The following DLG2 variants were observed in gnomAD, a reference collection of about 807,000 sequenced individuals.
DLG2 encodes the protein disks large homolog 2.
DLG2 carries 45 observed loss-of-function variants against 132.5 expected under a neutral mutation model. That is an observed-to-expected ratio of 0.34 (90% CI 0.27 to 0.44). The LOEUF is 0.44. Ranked by LOEUF, DLG2 falls within the 20% of genes least tolerant of loss-of-function variation. The pLI is 1.00. For missense variants in DLG2, 1,045 were observed against 1,196.9 expected, an observed-to-expected ratio of 0.87 and a Z score of 1.87; for synonymous variants, 424 against 419.6, an observed-to-expected ratio of 1.01 and a Z score of -0.13.
intron 11 of DLG2, among the ~76,000 whole-genome samples, chr11:84,028,116 C>T (rs890700912): frequency 5.3e-5 from 8 of 151,384 alleles, no homozygotes; most frequent in African/African-American, 1.7e-4. Context: ...AATAGAAGAC[C>T]TCATTGTAAA....
chr11:83,557,281 C>A (rs2142475320), intron 19 of DLG2, among the ~76,000 whole-genome samples: 1 of 152,306 alleles, frequency 6.6e-6, no homozygotes, highest in Non-Finnish European at 1.5e-5. Context: ...CATGTACAAT[C>A]TGTAGAGAAA....
intron 6 of DLG2, among the ~76,000 whole-genome samples, chr11:84,578,010 C>T (rs2099506760): frequency 6.6e-6 from 1 of 152,180 alleles, no homozygotes; most frequent in Admixed American, 6.5e-5. Context: ...CAGGCTGTGG[C>T]TTCAGAGGGT....
At chr11:83,461,143 G>C (rs1240983672) in intron 27 of DLG2, among the ~76,000 whole-genome samples, 1 of 151,618 alleles carries the variant, frequency 6.6e-6, no homozygotes. Flanking sequence ...CTAGTAGCTG[G>C]GATTACAGGT....
chr11:83,988,693 A>T (rs948657575), intron 11 of DLG2, among the ~76,000 whole-genome samples: 16 of 152,048 alleles, frequency 1.1e-4, no homozygotes, highest in African/African-American at 3.9e-4. Flanking sequence ...TAGACTGTCA[A>T]TTTAGGGTCT....
At chr11:83,815,709 G>T (rs1231556070) in intron 17 of DLG2, among the ~76,000 whole-genome samples, 2 of 152,160 alleles carry the variant, frequency 1.3e-5, no homozygotes, top group South Asian at 4.1e-4. Context: ...AATGTTCAGT[G>T]CCTTTCACTT....
intron 6 of DLG2, among the ~76,000 whole-genome samples, chr11:84,751,219 T>C (rs1240759485): frequency 2.6e-5 from 4 of 152,222 alleles, no homozygotes; most frequent in East Asian, 1.9e-4. Flanking sequence ...ATGGGAGAGA[T>C]AGTACTAACA....
Position 84,145,917 on chromosome 11 carries a change from G to C in DLG2, c.624+17544C>G, listed in dbSNP as rs1447999939. ...CTTTGATGCTTACATCTAAAGAAAA[G>C]TTAGATTAATGCCCCTCCGAATGTC... On this transcript the variant is annotated intron_variant, in intron 9 of 27. Transcript: ENST00000376104. 3.3e-5 allele frequency among the ~76,000 whole-genome samples: 5 copies of C among 152,234 alleles called. No homozygotes were observed. The South Asian group carries it at 6.2e-4, about 19-fold the overall frequency.
At chr11:84,551,488 A>G (rs2099401760) in intron 6 of DLG2, among the ~76,000 whole-genome samples, 1 of 152,226 alleles carries the variant, frequency 6.6e-6, no homozygotes, top group African/African-American at 2.4e-5. Flanking sequence ...TGCCTGTGAC[A>G]TGACGTGCAT....
intron 2 of DLG2, among the ~76,000 whole-genome samples, chr11:85,615,724 G>A (rs2081288702): frequency 6.6e-6 from 1 of 152,050 alleles, no homozygotes; most frequent in Non-Finnish European, 1.5e-5. Flanking sequence ...ATCTTTGGAG[G>A]AGAAATAATC....
intron 7 of DLG2, among the ~76,000 whole-genome samples, chr11:84,513,990 T>C (rs1240416860): frequency 6.6e-6 from 1 of 151,832 alleles, no homozygotes; most frequent in Non-Finnish European, 1.5e-5. Flanking sequence ...AACAACTCTA[T>C]AGAAAAAAAA....
At chr11:83,696,074 T>C (rs2081885887) in intron 18 of DLG2, among the ~76,000 whole-genome samples, 1 of 152,112 alleles carries the variant, frequency 6.6e-6, no homozygotes, top group African/African-American at 2.4e-5. Flanking sequence ...ATGATCTGAT[T>C]TGCACTTTAG....
chr11:84,928,483 T>C (rs1158816282), intron 6 of DLG2, among the ~76,000 whole-genome samples: 6 of 151,924 alleles, frequency 3.9e-5, no homozygotes, highest in Non-Finnish European at 8.8e-5. Flanking sequence ...GTAAATGTAA[T>C]AAGTGGTAGT....
intron 6 of DLG2, among the ~76,000 whole-genome samples, chr11:84,991,576 A>G (rs2057129944): frequency 6.6e-6 from 1 of 151,798 alleles, no homozygotes; most frequent in Non-Finnish European, 1.5e-5. Flanking sequence ...GAGGAGGAGG[A>G]GAAAAACAAG....
At chr11:85,051,160 T>G (rs2062851445) in intron 6 of DLG2, among the ~76,000 whole-genome samples, 1 of 152,182 alleles carries the variant, frequency 6.6e-6, no homozygotes, top group Non-Finnish European at 1.5e-5. Context: ...CTGTCAATAG[T>G]GCCTCAGAAC....
chr11:84,907,559 G>A (rs558274216), intron 6 of DLG2, among the ~76,000 whole-genome samples: 4 of 152,060 alleles, frequency 2.6e-5, no homozygotes, highest in South Asian at 2.1e-4. Context: ...CAGTTTCTTC[G>A]GAGCTGAAAT....
At chr11:85,530,529 G>T (rs1035640495) in intron 3 of DLG2, among the ~76,000 whole-genome samples, 1 of 151,518 alleles carries the variant, frequency 6.6e-6, no homozygotes, top group Non-Finnish European at 1.5e-5. Flanking sequence ...CACCATATTG[G>T]CTAGGCTGGT....
intron 6 of DLG2, among the ~76,000 whole-genome samples, chr11:84,671,484 A>C (rs7938180): frequency 0.12 from 17,679 of 152,084 alleles, 1,125 homozygotes; most frequent in African/African-American, 0.14. Flanking sequence ...CTGGAAGAGC[A>C]AGATGACAGT....
rs116248468 is a variant in DLG2 at position 85,617,461 on chromosome 11, T to C, written c.-93+9126A>G. The stretch of plus-strand genomic sequence containing the variant: ...TAACCTCACCACACAGCATTGAAAT[T>C]GCCTGTTTTTGCATCTGTCTTCCTA... On this transcript the variant is annotated intron_variant, in intron 2 of 27. Coordinates refer to ENST00000376104, the MANE Select transcript of DLG2 (RefSeq NM_001142699.3). 5.3e-3 allele frequency among the ~76,000 whole-genome samples: 813 copies of C among 152,346 alleles called. 9 individuals are homozygous for C. The highest frequency in any genetic ancestry group is 0.018 in the African/African-American group (756 of 41,582).
At chr11:84,257,068 A>G (rs903520145) in intron 7 of DLG2, among the ~76,000 whole-genome samples, 1 of 152,154 alleles carries the variant, frequency 6.6e-6, no homozygotes, top group African/African-American at 2.4e-5. Context: ...ATCTAACATT[A>G]AGTACCGGAT....
Sources: gnomAD v4.1 joint callset for allele counts (sites outside exome capture counted in the v4.1 genomes callset) on GRCh38, gnomAD v4.1.1 for gene constraint, MANE v1.5 for transcripts, NCBI Gene and HGNC (gene_info 2026-07-23, HGNC 2026-07-21) for gene names.